Variants in LPP observed in about 807,000 individuals in gnomAD.
LPP encodes the protein lipoma-preferred partner.
Under a neutral mutation model 60.4 loss-of-function variants are expected in LPP, and 38 were observed. That is an observed-to-expected ratio of 0.63 (90% CI 0.49 to 0.83). The LOEUF is 0.83. Among genes scored for constraint, LPP ranks in the 40% least tolerant of loss-of-function variants. The pLI, the probability that LPP is intolerant of heterozygous loss-of-function variation, is 0.00. For synonymous variants in LPP, 328 were observed against 290.8 expected (o/e 1.13, Z -1.30); for missense variants, 902 against 783.6 (o/e 1.15, Z -1.80).
chr3:188,792,718 G>A (rs911807900), intron 9 of LPP, among the ~76,000 whole-genome samples: 5 of 151,666 alleles, frequency 3.3e-5, no homozygotes, highest in South Asian at 2.1e-4. Flanking sequence ...CTTTTTTCCC[G>A]CTCATTCATA....
In LPP at chr3:188,886,553, T is replaced by A. The variant is rs1770686570; in HGVS notation, c.*12074T>A. ...AATAAAAAGACAATGAGGTGGTAAATGTGAAAAAAGCAGCCTTTTAGAAAA... is the reference window on the plus strand; with the variant it reads ...AATAAAAAGACAATGAGGTGGTAAAAGTGAAAAAAGCAGCCTTTTAGAAAA... On this transcript the variant is annotated 3_prime_UTR_variant, in exon 12 of 12. Transcript: ENST00000617246. 5.0e-6 allele frequency: 1 copy of A among 201,150 alleles called. No homozygotes were observed. Among genetic ancestry groups the A allele is most frequent in the Admixed American group, 6.1e-5 (1 of 16,274 alleles). The allele number at this position is 201,150 out of a possible 1,614,324, so 12.5% of individuals were successfully genotyped here.
chr3:188,190,348 C>T (rs7653325), intron 1 of LPP, among the ~76,000 whole-genome samples: 66,123 of 151,970 alleles, frequency 0.44, 15,336 homozygotes, highest in Non-Finnish European at 0.53. Flanking sequence ...CCTGAGCCAC[C>T]GTGCCTGGCC....
intron 3 of LPP, among the ~76,000 whole-genome samples, chr3:188,350,888 C>T (rs1030404896): frequency 1.3e-5 from 2 of 152,172 alleles, no homozygotes; most frequent in East Asian, 3.9e-4. Context: ...AGGGCCAGCT[C>T]TTATAAAATA....
chr3:188,524,562 C>T, intron 5 of LPP, 103 bp from the exon 6 acceptor site: 1 of 1,193,418 alleles, frequency 8.4e-7, no homozygotes, highest in Non-Finnish European at 1.2e-6. Context: ...AAAAGAGGTG[C>T]AGAAAAACTT....
intron 8 of LPP, among the ~76,000 whole-genome samples, chr3:188,726,747 C>T (rs995397621): frequency 2.6e-5 from 4 of 151,868 alleles, no homozygotes; most frequent in African/African-American, 7.3e-5. Context: ...TATTATTTCT[C>T]GTAAACAAGG....
At chr3:188,858,664 G>A (rs572306033) in intron 9 of LPP, among the ~76,000 whole-genome samples, 1 of 152,144 alleles carries the variant, frequency 6.6e-6, no homozygotes, top group Admixed American at 6.5e-5. Context: ...TTTCCTTATG[G>A]TTTTAGGGCA....
chr3:188,505,164 G>A (rs2149930803), intron 5 of LPP, among the ~76,000 whole-genome samples: 1 of 152,284 alleles, frequency 6.6e-6, no homozygotes, highest in South Asian at 2.1e-4. Flanking sequence ...TCCAAAATAA[G>A]TTGTTGATAT....
intron 6 of LPP, among the ~76,000 whole-genome samples, chr3:188,551,304 C>T (rs1004114113): frequency 4.6e-5 from 7 of 152,092 alleles, no homozygotes; most frequent in South Asian, 2.1e-4. Flanking sequence ...TTGACTACCA[C>T]GAGAACAGTA....
At chr3:188,241,758 G>A (rs958149193) in intron 2 of LPP, among the ~76,000 whole-genome samples, 8 of 152,014 alleles carry the variant, frequency 5.3e-5, no homozygotes, top group South Asian at 2.1e-4. Flanking sequence ...TACTATATAC[G>A]TAATTTCAGA....
At chr3:188,723,757 G>GA (rs1168709455) in intron 8 of LPP, among the ~76,000 whole-genome samples, 1 of 151,672 alleles carries the variant, frequency 6.6e-6, no homozygotes, top group East Asian at 1.9e-4. Flanking sequence ...CATATCCCAG[G>GA]AAAAAAACTC....
intron 5 of LPP, among the ~76,000 whole-genome samples, chr3:188,516,767 T>C (rs1471167011): frequency 6.6e-6 from 1 of 151,872 alleles, no homozygotes; most frequent in African/African-American, 2.4e-5. Flanking sequence ...TTGGTAGAAA[T>C]GTAAGTTCTT....
intron 9 of LPP, among the ~76,000 whole-genome samples, chr3:188,831,591 G>A (rs559256735): frequency 6.6e-6 from 1 of 152,200 alleles, no homozygotes; most frequent in East Asian, 1.9e-4. Flanking sequence ...GGCCACCCAG[G>A]CTCTTTCCGG....
At chr3:188,299,627 G>A (rs1189648406) in intron 2 of LPP, among the ~76,000 whole-genome samples, 1 of 152,220 alleles carries the variant, frequency 6.6e-6, no homozygotes, top group Non-Finnish European at 1.5e-5. Context: ...CCACTGTGAG[G>A]TGAGGCATCT....
intron 6 of LPP, among the ~76,000 whole-genome samples, chr3:188,552,810 A>T (rs571392327): frequency 1.5e-4 from 23 of 152,250 alleles, no homozygotes; most frequent in African/African-American, 5.3e-4. Flanking sequence ...CCTGTCTCAA[A>T]ATCTTTAACC....
intron 2 of LPP, chr3:188,240,097 A>C (rs544843082): frequency 5.1e-6 from 1 of 195,894 alleles, no homozygotes; most frequent in African/African-American, 2.3e-5. Flanking sequence ...GAGCTGGCAG[A>C]TGGATACATC....
chr3:188,188,420 A>G (rs561877008), intron 1 of LPP, among the ~76,000 whole-genome samples: 1 of 152,300 alleles, frequency 6.6e-6, no homozygotes, highest in East Asian at 1.9e-4. Flanking sequence ...AGGAGTCCCC[A>G]GGGGTCAGCC....
At chr3:188,863,863 A>G (rs1300715817) in intron 9 of LPP, among the ~76,000 whole-genome samples, 1 of 151,866 alleles carries the variant, frequency 6.6e-6, no homozygotes, top group Non-Finnish European at 1.5e-5. Flanking sequence ...TTTTGAGTAA[A>G]TGAGCTGAAT....
At chr3:188,454,544 G>A (rs920094971) in intron 4 of LPP, among the ~76,000 whole-genome samples, 6 of 152,150 alleles carry the variant, frequency 3.9e-5, no homozygotes, top group Non-Finnish European at 7.3e-5. Flanking sequence ...TGCATTCTAT[G>A]CAAGGATGAG....
In LPP at chr3:188,702,165, C is replaced by G. The variant is rs1864585469; in HGVS notation, c.1114-6102C>G. On this transcript the variant is annotated intron_variant, in intron 7 of 11. Coordinates refer to ENST00000617246, the MANE Select transcript of LPP (RefSeq NM_001375462.1). ...TAGAGGTGGGATTTCACCATGTTAGCTAGGATGGTCTCGATTTCCTGACCT... is the reference window on the plus strand; with the variant it reads ...TAGAGGTGGGATTTCACCATGTTAGGTAGGATGGTCTCGATTTCCTGACCT... Among the ~76,000 whole-genome samples the G allele has an allele frequency of 2.6e-5, 4 of 151,970 alleles. No homozygotes were observed. The South Asian group carries it at 8.3e-4, about 32-fold the overall frequency.
Sources: gnomAD v4.1 joint callset for allele counts (sites outside exome capture counted in the v4.1 genomes callset) on GRCh38, gnomAD v4.1.1 for gene constraint, MANE v1.5 for transcripts, NCBI Gene and HGNC (gene_info 2026-07-23, HGNC 2026-07-21) for gene names.